PHTF1: variants seen among roughly 807,000 people sequenced by gnomAD.
PHTF1 encodes protein PHTF1.
In PHTF1, 88 loss-of-function variants were observed where a neutral mutation model predicts 102.4. That is an observed-to-expected ratio of 0.86 (90% CI 0.72 to 1.03). PHTF1 has a LOEUF of 1.03. Ranked by LOEUF, PHTF1 falls within the 50% of genes least tolerant of loss-of-function variation. The probability of loss-of-function intolerance (pLI) is 0.00; values close to 1 mark genes in which losing one functional copy is unlikely to be tolerated. For synonymous variants in PHTF1, 289 were observed against 305.2 expected, an observed-to-expected ratio of 0.95 and a Z score of 0.55; for missense variants, 814 against 909.5, an observed-to-expected ratio of 0.89 and a Z score of 1.35.
intron 3 of PHTF1, among the ~76,000 whole-genome samples, chr1:113,746,230 G>A (rs561166325): frequency 6.6e-6 from 1 of 152,158 alleles, no homozygotes; most frequent in Non-Finnish European, 1.5e-5. Context: ...ATATTTAGCA[G>A]GTATCATCCA....
In PHTF1 at chr1:113,712,025, C is replaced by T. The variant is rs764128375; in HGVS notation, c.872G>A (p.Arg291His). ...ACTTGAGGCCCCTTCCACACTCCTA[C>T]GCAATAATATCATCTGTGTCCGTGC... Reference protein sequence around the residue: ...GEARTQMILLRRSVEGASSDN... With the variant: ...GEARTQMILLHRSVEGASSDN... The change falls in exon 9 of 19, where the codon CGT becomes CAT. Residue 291 changes from arginine (R) to histidine (H), a missense_variant. Transcript: ENST00000369604. The T allele has an allele frequency of 1.5e-5, 25 of 1,613,652 alleles. No homozygotes were observed. The highest frequency in any genetic ancestry group is 8.3e-5 in the Admixed American group (5 of 60,018).
At chr1:113,756,083 A>AG (rs1239429034) in intron 3 of PHTF1, among the ~76,000 whole-genome samples, 1 of 151,214 alleles carries the variant, frequency 6.6e-6, no homozygotes, top group South Asian at 2.1e-4. Flanking sequence ...AAAAAAAAAA[A>AG]GGGTGAAGGA....
intron 3 of PHTF1, among the ~76,000 whole-genome samples, chr1:113,752,684 T>C (rs1255473027): frequency 6.6e-6 from 1 of 152,136 alleles, no homozygotes; most frequent in Non-Finnish European, 1.5e-5. Context: ...GCGCCCAGCC[T>C]ACTGTCATTT....
At chr1:113,751,690 CT>C (rs1447128733) in intron 3 of PHTF1, among the ~76,000 whole-genome samples, 1 of 152,150 alleles carries the variant, frequency 6.6e-6, no homozygotes, top group Non-Finnish European at 1.5e-5. Context: ...GTTTTCACTT[CT>C]CTTGGATAGA....
Position 113,699,748 on chromosome 1 carries a change from TA to T in PHTF1, c.2097del (p.Thr700LeufsTer2). 6.8e-7 allele frequency: 1 copy of T among 1,470,388 alleles called. No individual in the cohort carries two copies. Among genetic ancestry groups the T allele is most frequent in the Non-Finnish European group, 9.4e-7 (1 of 1,061,694 alleles). 91.1% of individuals were successfully genotyped at this position (1,470,388 alleles called of 1,614,324 possible). ...MEKKPNKKEQLTLVNNVLKLS... is the reference protein window; with the variant it reads ...MEKKPNKKEQXTLVNNVLKLS... ...AGCTTTAATACATTGTTTACTAGAG[TA>T]AGCTGTTCTTTCTTATTTGGCTTTT... On this transcript the variant is annotated frameshift_variant, in exon 17 of 19. Transcript: ENST00000369604. LOFTEE classifies it high-confidence loss of function.
Position 113,698,244 on chromosome 1 carries a change from A to C in PHTF1, c.2268+18T>G. Reference sequence around the variant, plus strand: ...AATTTTTAAGACTAGGATGCTACAGAGTGGTGGTGATACTTACTCTTATAT... The same window carrying C: ...AATTTTTAAGACTAGGATGCTACAGCGTGGTGGTGATACTTACTCTTATAT... On this transcript the variant is annotated intron_variant, in intron 18 of 18. Coordinates refer to ENST00000369604, the MANE Select transcript of PHTF1 (RefSeq NM_001323043.2). The C allele has an allele frequency of 6.3e-7, 1 of 1,588,478 alleles. No individual in the cohort carries two copies. The highest frequency in any genetic ancestry group is 8.6e-7 in the Non-Finnish European group (1 of 1,160,374).
rs1231953467 is a variant in PHTF1 at position 113,712,251 on chromosome 1, AT to A, written c.784-139del. On this transcript the variant is annotated intron_variant, in intron 8 of 18. Transcript: ENST00000369604. ...CTAACCCAAAACTGAACAAATCCAT[AT>A]ATTACTTAATCTCAATTAAGAAAAA... The A allele has an allele frequency of 7.1e-5, 44 of 620,834 alleles. No homozygotes were observed. In the Middle Eastern group the frequency reaches 1.9e-3, roughly 27 times the overall value. The allele number at this position is 620,834 out of a possible 1,614,324, so 38.5% of individuals were successfully genotyped here.
chr1:113,699,877 AG>A, intron 16 of PHTF1, 78 bp from the exon 17 acceptor site: 1 of 714,018 alleles, frequency 1.4e-6, no homozygotes, highest in South Asian at 1.8e-5. Context: ...CATATTTCAA[AG>A]GTCATGTTTT....
intron 5 of PHTF1, among the ~76,000 whole-genome samples, chr1:113,737,774 G>T (rs1302255681): frequency 2.0e-5 from 3 of 152,108 alleles, no homozygotes; most frequent in Non-Finnish European, 4.4e-5. Flanking sequence ...ACTCCAGCCT[G>T]GGTGACAGAG....
chr1:113,745,890 G>T (rs1253642962), intron 3 of PHTF1, among the ~76,000 whole-genome samples: 1 of 152,154 alleles, frequency 6.6e-6, no homozygotes, highest in Non-Finnish European at 1.5e-5. Flanking sequence ...GGTAATAATA[G>T]AAATAAAGTG....
chr1:113,724,808 C>T lies in PHTF1; in HGVS notation c.574G>A (p.Glu192Lys). 1.9e-6 allele frequency: 3 copies of T among 1,611,974 alleles called. No homozygotes were observed. Among genetic ancestry groups the T allele is most frequent in the Non-Finnish European group, 2.5e-6 (3 of 1,178,860 alleles). ...SDKVRGIETL[E>K]SVPIIGGFWE... ...AAACCACCAATAATGGGTACAGATT[C>T]CAAAGTTTCTATTCCTCTGACTTTA... Residue 192 changes from glutamate to lysine, a missense_variant, in exon 7 of 19, where the codon GAA (glutamate) becomes AAA (lysine). By Grantham distance (56) the Glu-to-Lys change is moderately conservative. Coordinates refer to ENST00000369604, the MANE Select transcript of PHTF1 (RefSeq NM_001323043.2).
At chr1:113,747,345 T>C (rs1394505921) in intron 3 of PHTF1, among the ~76,000 whole-genome samples, 2 of 152,226 alleles carry the variant, frequency 1.3e-5, no homozygotes. Flanking sequence ...TATTACTAAT[T>C]CATCTTTAAA....
chr1:113,749,507 A>G (rs1657702982), intron 3 of PHTF1: 2 of 152,210 alleles, frequency 1.3e-5, no homozygotes, highest in African/African-American at 2.4e-5. Flanking sequence ...GCATCTCACC[A>G]GACTCTGATT....
intron 3 of PHTF1, among the ~76,000 whole-genome samples, chr1:113,745,845 G>A (rs1657149736): frequency 6.6e-6 from 1 of 152,108 alleles, no homozygotes; most frequent in South Asian, 2.1e-4. Context: ...TCTACCTTAT[G>A]GTGAGCTGTA....
chr1:113,741,990 G>A (rs985289180), intron 3 of PHTF1, among the ~76,000 whole-genome samples: 1 of 152,102 alleles, frequency 6.6e-6, no homozygotes, highest in African/African-American at 2.4e-5. Context: ...CCATACTTTA[G>A]AATCCTTCTG....
chr1:113,756,840 T>C (rs1265329187), intron 3 of PHTF1, among the ~76,000 whole-genome samples: 1 of 152,160 alleles, frequency 6.6e-6, no homozygotes, highest in East Asian at 1.9e-4. Flanking sequence ...CTAAGAGCTG[T>C]GTAGAAAAAA....
rs746603372 is a variant in PHTF1 at position 113,724,885 on chromosome 1, CG to C, written c.496del (p.Arg166GlufsTer4). 6.3e-7 allele frequency: 1 copy of C among 1,591,050 alleles called. No homozygotes were observed. The highest frequency in any genetic ancestry group is 1.2e-5 in the South Asian group (1 of 86,106). On this transcript the variant is annotated frameshift_variant, in exon 7 of 19. Transcript: ENST00000369604. LOFTEE classifies it high-confidence loss of function. ...NNGNRRRRKLRKTVNGDGSRE... is the reference protein window; with the variant it reads ...NNGNRRRRKLXKTVNGDGSRE... ...GCTCCCATCACCATTTACAGTTTTT[CG>C]TAATTTTCTACAAAAAAAAATTTCA...
At position 113,706,098 on chromosome 1, in the gene PHTF1, G is replaced by C. The variant is rs1226590761; in HGVS notation, c.1463C>G (p.Ala488Gly). 1 of 1,613,902 alleles carries C rather than the reference G, an allele frequency of 6.2e-7. No individual in the cohort carries two copies. Among genetic ancestry groups the C allele is most frequent in the Admixed American group, 1.7e-5 (1 of 60,018 alleles). ...MLGNVVTIGL[A>G]FFPFLHRLFR... ...AAGTCGATGTAAGAATGGAAAAAAT[G>C]CTAATCCAATAGTGACAACATTTCC... Residue 488 changes from alanine (A) to glycine (G), a missense_variant, in exon 13 of 19, where the codon GCA (alanine) becomes GGA (glycine). Coordinates refer to ENST00000369604, the MANE Select transcript of PHTF1 (RefSeq NM_001323043.2).
chr1:113,721,839 G>A (rs576420616), intron 7 of PHTF1, among the ~76,000 whole-genome samples: 17 of 151,484 alleles, frequency 1.1e-4, no homozygotes, highest in South Asian at 8.3e-4. Context: ...ACAGGTGCCC[G>A]CCACCACGCC....
Sources: gnomAD v4.1 joint callset for allele counts (sites outside exome capture counted in the v4.1 genomes callset) on GRCh38, gnomAD v4.1.1 for gene constraint, MANE v1.5 for transcripts, NCBI Gene and HGNC (gene_info 2026-07-23, HGNC 2026-07-21) for gene names.